The following PARP4 variants were observed in gnomAD, a reference collection of about 807,000 sequenced individuals.
PARP4 encodes protein mono-ADP-ribosyltransferase PARP4.
PARP4 carries 120 observed loss-of-function variants against 187.7 expected under a neutral mutation model. The ratio of observed to expected loss-of-function variants is 0.64; its 90% CI spans 0.55 to 0.74. The LOEUF (loss-of-function observed/expected upper bound fraction) is 0.74, where lower values mean the gene tolerates loss of function less well. Ranked by LOEUF, PARP4 falls within the 30% of genes least tolerant of loss-of-function variation. The pLI is 0.00. For synonymous variants in PARP4, 654 were observed against 740.9 expected, an observed-to-expected ratio of 0.88 and a Z score of 1.90; for missense variants, 1,836 against 2,070.5, an observed-to-expected ratio of 0.89 and a Z score of 2.20.
At chr13:24,495,815 G>A (rs768609122) in intron 6 of PARP4, among the ~76,000 whole-genome samples, 13 of 152,144 alleles carry the variant, frequency 8.5e-5, no homozygotes, top group East Asian at 3.8e-4. Flanking sequence ...CATTTAAGAC[G>A]GTAGAGTTTA....
At position 24,455,136 on chromosome 13, in the gene PARP4, C is replaced by T; in HGVS notation, c.2639G>A (p.Cys880Tyr). 1.2e-6 allele frequency: 2 copies of T among 1,612,962 alleles called. No homozygotes were observed. Among genetic ancestry groups the T allele is most frequent in the South Asian group, 2.2e-5 (2 of 91,000 alleles). ...DLASESEVII[C>Y]LDCSSSMEGV... is the part of the protein sequence containing the mutation. Reference sequence around the variant, plus strand: ...CTCCATGGAACTGGAGCAGTCAAGACAAATAATCACTTCGCTCTCACTGGC... The same window carrying T: ...CTCCATGGAACTGGAGCAGTCAAGATAAATAATCACTTCGCTCTCACTGGC... The change falls in exon 22 of 34, where the codon TGT becomes TAT. Residue 880 changes from cysteine to tyrosine, a missense_variant. Coordinates refer to ENST00000381989, the MANE Select transcript of PARP4 (RefSeq NM_006437.4).
intron 12 of PARP4, among the ~76,000 whole-genome samples, chr13:24,484,346 A>G (rs540861176): frequency 1.8e-4 from 28 of 151,950 alleles, no homozygotes; most frequent in African/African-American, 5.5e-4. Context: ...TAATTTTTTA[A>G]TTTTTTTGTA....
intron 30 of PARP4, among the ~76,000 whole-genome samples, chr13:24,436,391 A>C (rs932295505): frequency 6.6e-6 from 1 of 151,972 alleles, no homozygotes; most frequent in Admixed American, 6.6e-5. Context: ...ATAGCCTTGA[A>C]CTCCTGGGCT....
intron 33 of PARP4, among the ~76,000 whole-genome samples, chr13:24,423,562 A>ACT (rs1409373816): frequency 4.7e-5 from 7 of 148,790 alleles, no homozygotes; most frequent in Admixed American, 1.3e-4. Flanking sequence ...AAACAAAACA[A>ACT]AAAAAAAGAA....
intron 11 of PARP4, among the ~76,000 whole-genome samples, chr13:24,485,510 CT>C (rs1873505068): frequency 6.6e-6 from 1 of 152,056 alleles, no homozygotes; most frequent in African/African-American, 2.4e-5. Flanking sequence ...TTTTTTCTTT[CT>C]TTTCCCCAGG....
chr13:24,421,793 GA>G (rs1344012812), intron 33 of PARP4, among the ~76,000 whole-genome samples: 1 of 152,288 alleles, frequency 6.6e-6, no homozygotes, highest in Non-Finnish European at 1.5e-5. Flanking sequence ...CGTAAACCAG[GA>G]ACAACTTGGT....
At position 24,459,123 on chromosome 13, in the gene PARP4, C is replaced by G; in HGVS notation, c.2346-1G>C. On this transcript the variant is annotated splice_acceptor_variant, in intron 19 of 33. Transcript: ENST00000381989. LOFTEE classifies it high-confidence loss of function. ...CTCAATAGACATAGTCAAAGAGAAGCTAGCAAAAATGAAGAGAAAGTTGTC... is the reference window on the plus strand; with the variant it reads ...CTCAATAGACATAGTCAAAGAGAAGGTAGCAAAAATGAAGAGAAAGTTGTC... 1.2e-6 allele frequency: 2 copies of G among 1,602,054 alleles called. No homozygotes were observed. Among genetic ancestry groups the G allele is most frequent in the Middle Eastern group, 1.7e-4 (1 of 6,014 alleles).
At position 24,440,415 on chromosome 13, in the gene PARP4, A is replaced by G. The variant is rs1870863852; in HGVS notation, c.3666+1431T>C. ...TCTATCTCAAAAAAAAAAAAAATTA[A>G]AATTAAAAAAAAAAAAAAAAAAAGA... On this transcript the variant is annotated intron_variant, in intron 30 of 33. Coordinates refer to ENST00000381989, the MANE Select transcript of PARP4 (RefSeq NM_006437.4). Among the ~76,000 whole-genome samples the G allele has an allele frequency of 1.0e-4, 5 of 49,580 alleles. No homozygotes were observed. The South Asian group carries it at 6.0e-3, about 60-fold the overall frequency. The allele number at this position is 49,580 out of a possible 152,430, so 32.5% of individuals were successfully genotyped here. A position where few individuals can be genotyped will look rare whatever the true frequency, so the allele number is the denominator to read the frequency against.
intron 1 of PARP4, among the ~76,000 whole-genome samples, chr13:24,509,286 C>T (rs888638995): frequency 6.6e-6 from 1 of 152,056 alleles, no homozygotes. Context: ...TGGAGCAAAT[C>T]GCTTGAGCCC....
intron 12 of PARP4, among the ~76,000 whole-genome samples, chr13:24,481,616 C>A (rs1873286740): frequency 6.6e-6 from 1 of 152,184 alleles, no homozygotes; most frequent in African/African-American, 2.4e-5. Flanking sequence ...TCGCTTGAAC[C>A]CAGGAGGCGG....
At chr13:24,450,878 T>C (rs1186308873) in intron 24 of PARP4, among the ~76,000 whole-genome samples, 1 of 151,450 alleles carries the variant, frequency 6.6e-6, no homozygotes, top group African/African-American at 2.4e-5. Context: ...ATTTTTCAAT[T>C]TTTTTTTTAT....
intron 15 of PARP4, among the ~76,000 whole-genome samples, chr13:24,474,369 G>A (rs1872876875): frequency 8.6e-6 from 1 of 116,438 alleles, no homozygotes; most frequent in Non-Finnish European, 2.0e-5. Flanking sequence ...CTTCAGGGCT[G>A]AGACTGCTAG....
Position 24,425,054 on chromosome 13 carries a change from C to T in PARP4, c.4979+1412G>A, listed in dbSNP as rs118078415. Among the ~76,000 whole-genome samples, 162 of 152,216 alleles carry T rather than the reference C, an allele frequency of 1.1e-3. 1 individual carries two copies. In the East Asian group the frequency reaches 0.026, roughly 25 times the overall value. On this transcript the variant is annotated intron_variant, in intron 33 of 33. Transcript: ENST00000381989. ...CAGTGGTTCATGTCTGTAATCCCAG[C>T]ACTTCAGGAGGCTGACGCGGGAGGA...
chr13:24,461,547 G>A (rs1387641810), intron 17 of PARP4, among the ~76,000 whole-genome samples: 3 of 152,190 alleles, frequency 2.0e-5, no homozygotes, highest in Admixed American at 2.0e-4. Flanking sequence ...GAGTGGGTAA[G>A]CTTACTGGTT....
At chr13:24,462,402 A>G (rs571886407) in intron 17 of PARP4, among the ~76,000 whole-genome samples, 1 of 152,004 alleles carries the variant, frequency 6.6e-6, no homozygotes, top group Non-Finnish European at 1.5e-5. Context: ...CTCAAACTCA[A>G]CTCTTCAACC....
intron 12 of PARP4, among the ~76,000 whole-genome samples, chr13:24,483,629 C>T (rs1873395923): frequency 6.6e-6 from 1 of 152,056 alleles, no homozygotes; most frequent in Non-Finnish European, 1.5e-5. Flanking sequence ...TGCCACTGCA[C>T]TCAGCTCATT....
intron 17 of PARP4, among the ~76,000 whole-genome samples, chr13:24,463,419 T>G (rs1267269115): frequency 3.3e-5 from 5 of 152,078 alleles, no homozygotes; most frequent in African/African-American, 1.2e-4. Context: ...TTTCTTTGTA[T>G]CTATAGAAAG....
intron 17 of PARP4, among the ~76,000 whole-genome samples, 175 bp downstream of exon 17, chr13:24,468,849 T>A (rs1351423596): frequency 6.6e-6 from 1 of 152,220 alleles, no homozygotes; most frequent in Non-Finnish European, 1.5e-5. Flanking sequence ...TTTCCTCCTT[T>A]GTTAAGTCAA....
Position 24,435,928 on chromosome 13 carries a change from AAAAAAAAAG to A in PARP4, c.3667-463_3667-455del, listed in dbSNP as rs1274670423. ...CAATATTCTGTCTCAAAAAAAAAAA[AAAAAAAAAG>A]AAAGAAAGAAAATAATGCCACCAGA... On this transcript the variant is annotated intron_variant, in intron 30 of 33. Coordinates refer to ENST00000381989, the MANE Select transcript of PARP4 (RefSeq NM_006437.4). Among the ~76,000 whole-genome samples, 332 of 57,004 alleles carry A rather than the reference AAAAAAAAAG, an allele frequency of 5.8e-3. 1 individual carries two copies. The highest frequency in any genetic ancestry group is 0.025 in the African/African-American group (319 of 12,896). The allele number at this position is 57,004 out of a possible 152,430, so 37.4% of individuals were successfully genotyped here.
Sources: allele counts gnomAD v4.1 joint callset (sites outside exome capture counted in the v4.1 genomes callset), GRCh38; gene constraint gnomAD v4.1.1; transcripts MANE v1.5; gene names NCBI Gene and HGNC (gene_info 2026-07-23, HGNC 2026-07-21).